Variants in ESYT2 observed in about 807,000 individuals in gnomAD.
The protein encoded by ESYT2 is extended synaptotagmin 2.
In ESYT2, 54 loss-of-function variants were observed where a neutral mutation model predicts 107.2. The observed-to-expected ratio is 0.50, with a 90% CI of 0.40 to 0.63. The LOEUF is 0.63. ESYT2 is among the 30% of genes least tolerant of loss of function. ESYT2 has a pLI of 0.00. For synonymous variants in ESYT2, 491 were observed against 434.1 expected (o/e 1.13, Z -1.63); for missense variants, 1,020 against 1,094.5 (o/e 0.93, Z 0.96).
chr7:158,781,731 G>C (rs1256628949), intron 6 of ESYT2, among the ~76,000 whole-genome samples: 1 of 151,998 alleles, frequency 6.6e-6, no homozygotes, highest in Non-Finnish European at 1.5e-5. Flanking sequence ...ACAAATGTGA[G>C]TGAACGAGTG....
At chr7:158,737,491 C>G (rs1837008522) in intron 19 of ESYT2, among the ~76,000 whole-genome samples, 1 of 152,118 alleles carries the variant, frequency 6.6e-6, no homozygotes, top group Non-Finnish European at 1.5e-5. Flanking sequence ...AATGCTTCTG[C>G]CATTTTCTCT....
At chr7:158,783,071 T>C (rs556318731) in intron 6 of ESYT2, among the ~76,000 whole-genome samples, 29 of 152,276 alleles carry the variant, frequency 1.9e-4, no homozygotes, top group African/African-American at 6.7e-4. Flanking sequence ...GCCTCGCCTC[T>C]GGAGGACTGA....
At chr7:158,771,066 T>C (rs971480210) in intron 7 of ESYT2, among the ~76,000 whole-genome samples, 4 of 152,212 alleles carry the variant, frequency 2.6e-5, no homozygotes, top group African/African-American at 7.2e-5. Context: ...TTAAATAGAA[T>C]GGAGCTATAC....
chr7:158,761,699 A>G (rs1837969590), intron 10 of ESYT2, among the ~76,000 whole-genome samples, 155 bp from the exon 11 acceptor site: 1 of 152,218 alleles, frequency 6.6e-6, no homozygotes, highest in African/African-American at 2.4e-5. Flanking sequence ...CTAATAATTT[A>G]TCAAGGAACA....
chr7:158,752,484 T>C (rs764459647), intron 14 of ESYT2, among the ~76,000 whole-genome samples: 11 of 152,258 alleles, frequency 7.2e-5, no homozygotes, highest in Admixed American at 2.0e-4. Context: ...TATCACAATT[T>C]TCACAAATTC....
chr7:158,800,551 T>C (rs1394634482), intron 1 of ESYT2, among the ~76,000 whole-genome samples: 1 of 151,994 alleles, frequency 6.6e-6, no homozygotes. Context: ...ATGTGCCAAC[T>C]GGCTAATTTT....
At position 158,781,458 on chromosome 7, in the gene ESYT2, GAAC is replaced by G. The variant is rs1216342120; in HGVS notation, c.747+6543_747+6545del. On this transcript the variant is annotated intron_variant, in intron 6 of 22. Coordinates refer to ENST00000275418, the MANE Select transcript of ESYT2 (RefSeq NM_001367773.1). ...TGTGAGTGTGAACAAGTGATTGTGA[GAAC>G]AAAGTGTGAGAGGTGTGAGTGTGAA... Among the ~76,000 whole-genome samples, 13 of 149,822 alleles carry G rather than the reference GAAC, an allele frequency of 8.7e-5. No individual in the cohort carries two copies. The East Asian group carries it at 2.4e-3, about 27-fold the overall frequency.
At chr7:158,793,765 A>T (rs1839378288) in intron 3 of ESYT2, 39 bp from the exon 4 acceptor site, 1 of 714,684 alleles carries the variant, frequency 1.4e-6, no homozygotes, top group Non-Finnish European at 2.0e-6. Context: ...TACAGAGGTT[A>T]AAAAAAAAAA....
chr7:158,751,038 C>T (rs1194194283), intron 14 of ESYT2, among the ~76,000 whole-genome samples: 2 of 152,204 alleles, frequency 1.3e-5, no homozygotes, highest in African/African-American at 4.8e-5. Context: ...TCACCTGTTC[C>T]TAGAAATTGA....
intron 4 of ESYT2, among the ~76,000 whole-genome samples, chr7:158,791,779 C>T (rs1306430831): frequency 6.6e-6 from 1 of 152,090 alleles, no homozygotes; most frequent in East Asian, 1.9e-4. Context: ...TTTGGTTGTT[C>T]TGTTGTTGAA....
chr7:158,757,331 C>T (rs1050292006), intron 13 of ESYT2, among the ~76,000 whole-genome samples: 2 of 152,238 alleles, frequency 1.3e-5, no homozygotes, highest in African/African-American at 2.4e-5. Context: ...GGAGGACTCA[C>T]AAATAGTGCT....
intron 15 of ESYT2, among the ~76,000 whole-genome samples, 156 bp downstream of exon 15, chr7:158,749,493 G>A (rs140060039): frequency 2.0e-5 from 3 of 152,242 alleles, no homozygotes; most frequent in Non-Finnish European, 1.5e-5. Flanking sequence ...TCAAATGACT[G>A]ATCTAAGAAA....
At chr7:158,815,109 C>A (rs1840113278) in intron 1 of ESYT2, among the ~76,000 whole-genome samples, 1 of 152,206 alleles carries the variant, frequency 6.6e-6, no homozygotes, top group African/African-American at 2.4e-5. Flanking sequence ...AGAGAGCCTG[C>A]AATGAGTGCT....
At chr7:158,758,246 G>C (rs1380813390) in intron 13 of ESYT2, among the ~76,000 whole-genome samples, 1 of 152,160 alleles carries the variant, frequency 6.6e-6, no homozygotes, top group Non-Finnish European at 1.5e-5. Flanking sequence ...CTTAATTGTA[G>C]GTAACTTTAA....
intron 1 of ESYT2, among the ~76,000 whole-genome samples, chr7:158,817,157 A>G (rs1563040276): frequency 6.6e-6 from 1 of 152,192 alleles, no homozygotes. Flanking sequence ...TTAACCTGTA[A>G]AACTACTTCA....
chr7:158,805,510 T>C (rs761702029), intron 1 of ESYT2, among the ~76,000 whole-genome samples: 1 of 152,228 alleles, frequency 6.6e-6, no homozygotes, highest in Non-Finnish European at 1.5e-5. Context: ...TTGCAGAAGA[T>C]AACCATTTTT....
intron 1 of ESYT2, among the ~76,000 whole-genome samples, chr7:158,820,183 A>C (rs907451246): frequency 3.3e-5 from 5 of 152,274 alleles, no homozygotes; most frequent in Non-Finnish European, 5.9e-5. Context: ...ATTTTAAAAA[A>C]GTGAACATGT....
In ESYT2 at chr7:158,731,971, C is replaced by G. The variant is rs1406768826; in HGVS notation, c.*2236G>C. The G allele has an allele frequency of 6.6e-6, 1 of 152,164 alleles. No individual in the cohort carries two copies. Among genetic ancestry groups the G allele is most frequent in the Admixed American group, 6.5e-5 (1 of 15,278 alleles). 9.4% of individuals were successfully genotyped at this position (152,164 alleles called of 1,614,324 possible). A position where few individuals can be genotyped will look rare whatever the true frequency, so the allele number is the denominator to read the frequency against. ...ATGGAGGCAGCTACTGGAGGCCAAGCACCTCCAGGCACTCAAGGCCCTGGG... is the reference window on the plus strand; with the variant it reads ...ATGGAGGCAGCTACTGGAGGCCAAGGACCTCCAGGCACTCAAGGCCCTGGG... On this transcript the variant is annotated 3_prime_UTR_variant, in exon 23 of 23. Coordinates refer to ENST00000275418, the MANE Select transcript of ESYT2 (RefSeq NM_001367773.1).
At chr7:158,786,060 G>A (rs1388053315) in intron 6 of ESYT2, among the ~76,000 whole-genome samples, 1 of 151,820 alleles carries the variant, frequency 6.6e-6, no homozygotes, top group Non-Finnish European at 1.5e-5. Flanking sequence ...ACTGGAGTAC[G>A]TTTGATGACT....
Sources: gnomAD v4.1 joint callset for allele counts (sites outside exome capture counted in the v4.1 genomes callset) on GRCh38, gnomAD v4.1.1 for gene constraint, MANE v1.5 for transcripts, NCBI Gene and HGNC (gene_info 2026-07-23, HGNC 2026-07-21) for gene names.